Variants in FRYL observed in about 807,000 individuals in gnomAD.
The protein encoded by FRYL is protein furry homolog-like.
FRYL carries 150 observed loss-of-function variants against 351.2 expected under a neutral mutation model. The ratio of observed to expected loss-of-function variants is 0.43; its 90% CI spans 0.37 to 0.49. The LOEUF (loss-of-function observed/expected upper bound fraction) is 0.49. FRYL is among the 20% of genes least tolerant of loss of function. FRYL has a pLI of 0.00. For missense variants in FRYL, 3,036 were observed against 3,619.3 expected, an observed-to-expected ratio of 0.84 and a Z score of 4.13; for synonymous variants, 1,153 against 1,257.1, an observed-to-expected ratio of 0.92 and a Z score of 1.75.
intron 1 of FRYL, among the ~76,000 whole-genome samples, chr4:48,745,253 G>A (rs1053526093): frequency 1.3e-5 from 2 of 152,106 alleles, no homozygotes; most frequent in Non-Finnish European, 2.9e-5. Flanking sequence ...CCATTACTGG[G>A]TATATACCCA....
intron 3 of FRYL, among the ~76,000 whole-genome samples, chr4:48,663,595 G>A (rs13108799): frequency 0.51 from 75,915 of 150,164 alleles, 19,582 homozygotes; most frequent in South Asian, 0.61. Flanking sequence ...CTAACACGGT[G>A]AAACCCCGTC....
At chr4:48,580,767 T>C in intron 22 of FRYL, 98 bp downstream of exon 22, 2 of 751,854 alleles carry the variant, frequency 2.7e-6, no homozygotes, top group Non-Finnish European at 4.5e-6. Flanking sequence ...TTACATTTGT[T>C]AAGGAAGTTA....
intron 2 of FRYL, among the ~76,000 whole-genome samples, chr4:48,706,915 G>C (rs967593175): frequency 9.9e-5 from 15 of 152,226 alleles, no homozygotes; most frequent in African/African-American, 3.4e-4. Context: ...GTTCCTTTGT[G>C]CCTCTTTTAC....
Position 48,539,988 on chromosome 4 carries a change from C to A in FRYL, c.6376G>T (p.Ala2126Ser). 6.2e-7 allele frequency: 1 copy of A among 1,611,840 alleles called. No individual in the cohort carries two copies. Among genetic ancestry groups the A allele is most frequent in the African/African-American group, 1.3e-5 (1 of 74,976 alleles). Residue 2126 changes from alanine to serine, a missense_variant, in exon 47 of 64, where the codon GCT becomes TCT. This residue lies in a region of FRYL where 1,987 missense variants were observed against 2,311.7 expected (regional missense o/e 0.86). Coordinates refer to ENST00000358350, the MANE Select transcript of FRYL (RefSeq NM_015030.2). ...DSPTQFCKET[A>S]SRIAKVCAEE... ...TTGCTTACCTTTGCTATTCGACTAG[C>A]TGTTTCTTTGCAAAACTGAGTTGGG... is the stretch of plus-strand genomic sequence containing the variant.
At chr4:48,612,747 T>A (rs935438043) in intron 7 of FRYL, among the ~76,000 whole-genome samples, 143 of 29,340 alleles carry the variant, frequency 4.9e-3, no homozygotes, top group Non-Finnish European at 6.0e-3. Flanking sequence ...CCTGGCTAAT[T>A]TTTTTTTTTT....
chr4:48,654,692 T>A (rs1226874085), intron 3 of FRYL, among the ~76,000 whole-genome samples: 1 of 152,190 alleles, frequency 6.6e-6, no homozygotes, highest in Non-Finnish European at 1.5e-5. Flanking sequence ...CACGAAAATC[T>A]TATAGTCAAA....
chr4:48,681,851 TTA>T (rs1483145839), intron 3 of FRYL, among the ~76,000 whole-genome samples: 4 of 152,132 alleles, frequency 2.6e-5, no homozygotes, highest in Non-Finnish European at 5.9e-5. Flanking sequence ...GTCATCAACA[TTA>T]TATGTTTTTC....
chr4:48,764,955 C>T (rs781373455), intron 1 of FRYL, among the ~76,000 whole-genome samples: 1 of 152,148 alleles, frequency 6.6e-6, no homozygotes, highest in African/African-American at 2.4e-5. Context: ...AGCAATTCTC[C>T]TGCCTCAGCT....
intron 53 of FRYL, chr4:48,523,456 T>C (rs1372171377): frequency 1.7e-5 from 3 of 175,590 alleles, no homozygotes; most frequent in Non-Finnish European, 3.6e-5. Context: ...TGACAACAAA[T>C]AAACAATCCA....
At chr4:48,591,205 A>T (rs1479685115) in intron 16 of FRYL, among the ~76,000 whole-genome samples, 2 of 152,020 alleles carry the variant, frequency 1.3e-5, no homozygotes, top group Non-Finnish European at 2.9e-5. Flanking sequence ...CTCAATTACA[A>T]ATCACACTAA....
At chr4:48,535,915 A>G in intron 47 of FRYL, 88 bp from the exon 48 acceptor site, 1 of 1,042,068 alleles carries the variant, frequency 9.6e-7, no homozygotes, top group Non-Finnish European at 1.3e-6. Flanking sequence ...GCTTAATGAA[A>G]TAATTTAGAT....
chr4:48,665,671 C>T (rs1338165196), intron 3 of FRYL, among the ~76,000 whole-genome samples: 2 of 152,052 alleles, frequency 1.3e-5, no homozygotes, highest in Admixed American at 6.5e-5. Context: ...TGGAACAGAA[C>T]GAGTAAAATT....
chr4:48,674,678 A>G (rs1184504563), intron 3 of FRYL, among the ~76,000 whole-genome samples: 31 of 129,330 alleles, frequency 2.4e-4, no homozygotes, highest in Non-Finnish European at 4.1e-4. Context: ...CGGAGCTTGC[A>G]GTGAGCCAAG....
At chr4:48,539,886 A>G in intron 47 of FRYL, 85 bp downstream of exon 47, 1 of 934,730 alleles carries the variant, frequency 1.1e-6, no homozygotes, top group Non-Finnish European at 1.6e-6. Flanking sequence ...CAATAAAAGG[A>G]GTTTTAAGAG....
chr4:48,605,825 A>G lies in FRYL; in HGVS notation c.750T>C (p.Ala250=). Residue 250 remains alanine (A), a synonymous_variant, in exon 11 of 64, where the codon GCT becomes GCC. Transcript: ENST00000358350. ...TATCTTTCACTTCTAAGAAATACTGAGCACATTCCTTAAAGGGAAAGAGGT... is the reference window on the plus strand; with the variant it reads ...TATCTTTCACTTCTAAGAAATACTGGGCACATTCCTTAAAGGGAAAGAGGT... ...EASFQFMQEC[A]QYFLEVKDKD... 6.3e-7 allele frequency: 1 copy of G among 1,581,806 alleles called. No individual in the cohort carries two copies. The highest frequency in any genetic ancestry group is 8.7e-7 in the Non-Finnish European group (1 of 1,153,336).
intron 1 of FRYL, among the ~76,000 whole-genome samples, chr4:48,747,101 T>A (rs1772763785): frequency 6.6e-6 from 1 of 152,028 alleles, no homozygotes; most frequent in Non-Finnish European, 1.5e-5. Context: ...GCTGGGAGAT[T>A]GGGGAGAGAA....
chr4:48,738,523 G>A (rs1771682549), intron 1 of FRYL, among the ~76,000 whole-genome samples: 2 of 151,982 alleles, frequency 1.3e-5, no homozygotes, highest in African/African-American at 4.8e-5. Flanking sequence ...CAAAGAGATG[G>A]GGTCTCACTC....
chr4:48,772,157 A>C (rs572408210), intron 1 of FRYL, among the ~76,000 whole-genome samples: 54 of 152,370 alleles, frequency 3.5e-4, no homozygotes, highest in African/African-American at 1.3e-3. Flanking sequence ...CCATCTTTTA[A>C]GGTGGAAGGA....
intron 2 of FRYL, among the ~76,000 whole-genome samples, chr4:48,707,838 T>G (rs1578782910): frequency 6.6e-6 from 1 of 151,438 alleles, no homozygotes; most frequent in East Asian, 1.9e-4. Flanking sequence ...TTTTTTTTTT[T>G]GAGATGGAGT....
Sources: allele counts gnomAD v4.1 joint callset (sites outside exome capture counted in the v4.1 genomes callset), GRCh38; gene constraint gnomAD v4.1.1; regional missense constraint gnomAD v4.1.1; transcripts MANE v1.5; gene names NCBI Gene and HGNC (gene_info 2026-07-23, HGNC 2026-07-21).